Variants in CAMK1 observed in about 807,000 individuals in gnomAD.
The protein encoded by CAMK1 is calcium/calmodulin dependent protein kinase I, also known as calcium/calmodulin-dependent protein kinase type 1.
A neutral mutation model predicts 49.1 loss-of-function variants in CAMK1; 39 were observed. That is an observed-to-expected ratio of 0.79 (90% CI 0.62 to 1.04). The LOEUF is 1.04. CAMK1 is among the 50% of genes least tolerant of loss of function. The probability of loss-of-function intolerance (pLI) is 0.00; values close to 1 mark genes in which losing one functional copy is unlikely to be tolerated. For synonymous variants in CAMK1, 192 were observed against 185.2 expected (o/e 1.04, Z -0.30); for missense variants, 457 against 472.2 (o/e 0.97, Z 0.30).
chr3:9,760,775 A>G lies in CAMK1; in HGVS notation c.633-7T>C, dbSNP rs369091347. The G allele has an allele frequency of 1.3e-5, 21 of 1,613,878 alleles. No individual in the cohort carries two copies. The highest frequency in any genetic ancestry group is 1.6e-4 in the Middle Eastern group (1 of 6,074). ...GGGAGGGTAACCGCAGAGCCTGGGC[A>G]GGGAGAAACTCATCCTCATTTCCAC... On this transcript the variant is annotated splice_polypyrimidine_tract_variant and splice_region_variant and intron_variant, in intron 7 of 11. Transcript: ENST00000256460.
At chr3:9,758,874 A>T (rs1305008655) in intron 10 of CAMK1, 3 of 353,474 alleles carry the variant, frequency 8.5e-6, no homozygotes, top group African/African-American at 2.1e-5. Flanking sequence ...AGGTGATCCA[A>T]CCACCTCGGC....
intron 3 of CAMK1, among the ~76,000 whole-genome samples, chr3:9,763,961 G>A (rs1201665610): frequency 6.6e-6 from 1 of 152,144 alleles, no homozygotes; most frequent in Non-Finnish European, 1.5e-5. Flanking sequence ...ACTCCAGCCT[G>A]GGCAACAAGA....
chr3:9,758,382 C>T (rs982070393), intron 10 of CAMK1: 1 of 155,496 alleles, frequency 6.4e-6, no homozygotes, highest in African/African-American at 2.4e-5. Flanking sequence ...CATGGTACCA[C>T]CACCATCCAT....
Position 9,767,723 on chromosome 3 carries a change from C to G in CAMK1, c.27G>C (p.Arg9Ser). The G allele has an allele frequency of 6.2e-7, 1 of 1,614,178 alleles. No homozygotes were observed. The highest frequency in any genetic ancestry group is 1.7e-5 in the Admixed American group (1 of 60,026). The change falls in exon 2 of 12, where the codon AGG (arginine) becomes AGC (serine). Residue 9 changes from arginine to serine, a missense_variant. Physicochemically the swap from Arg to Ser is moderately radical, Grantham distance 110. Transcript: ENST00000256460. MLGAVEGP[R>S]WKQAEDIRDI... ...CTCTAATGTCCTCCGCCTGCTTCCA[C>G]CTGGGGCCTTCCACTGCCCCCAGCA...
Position 9,757,848 on chromosome 3 carries a change from T to TGGCATTGAA in CAMK1, c.913-11_913-3dup. The stretch of plus-strand genomic sequence containing the variant: ...CACAGCCGTGGCATTGAAGGCTTGC[T>TGGCATTGAA]GGCATTGAAGGCATTGAAGGGAGAG... On this transcript the variant is annotated splice_region_variant and splice_polypyrimidine_tract_variant and intron_variant, in intron 10 of 11. Transcript: ENST00000256460. The surrounding 1 kb of genome is among the most constrained non-coding windows in gnomAD (Gnocchi z 4.5). The TGGCATTGAA allele has an allele frequency of 2.5e-6, 4 of 1,603,232 alleles. No homozygotes were observed. In the South Asian group the frequency reaches 3.3e-5, roughly 13 times the overall value.
chr3:9,767,176 C>T (rs2078178190), intron 2 of CAMK1, among the ~76,000 whole-genome samples: 1 of 152,196 alleles, frequency 6.6e-6, no homozygotes, highest in Non-Finnish European at 1.5e-5. Context: ...GAAGTTTTCC[C>T]CCAGGCAGAA....
Position 9,761,747 on chromosome 3 carries a change from A to G in CAMK1, c.440T>C (p.Leu147Pro). Residue 147 changes from leucine to proline, a missense_variant, in exon 6 of 12, where the codon CTG (leucine) becomes CCG (proline). Leu to Pro is a moderately conservative substitution (Grantham distance 98). Coordinates refer to ENST00000256460, the MANE Select transcript of CAMK1 (RefSeq NM_003656.5). Reference protein sequence around the residue: ...IVHRDLKPENLLYYSLDEDSK... With the variant: ...IVHRDLKPENPLYYSLDEDSK... ...GTCTTCATCCAGGCTGTAGTACAGCAGATTCTCTGGCTTGAAGGGCAGGAG... is the reference window on the plus strand; with the variant it reads ...GTCTTCATCCAGGCTGTAGTACAGCGGATTCTCTGGCTTGAAGGGCAGGAG... 6.2e-7 allele frequency: 1 copy of G among 1,614,124 alleles called. No homozygotes were observed. The highest frequency in any genetic ancestry group is 8.5e-7 in the Non-Finnish European group (1 of 1,180,002).
intron 2 of CAMK1, chr3:9,766,220 G>A (rs2078146687): frequency 1.4e-6 from 1 of 730,756 alleles, no homozygotes; most frequent in Middle Eastern, 2.3e-4. Flanking sequence ...GAGCCTGCTT[G>A]GGAATGAAAT....
chr3:9,762,170 A>C (rs775407381), intron 5 of CAMK1: 10 of 166,198 alleles, frequency 6.0e-5, no homozygotes, highest in Non-Finnish European at 1.2e-4. Context: ...AGGCAGTAGC[A>C]GAGCCAGAAT....
Position 9,759,572 on chromosome 3 carries a change from A to G in CAMK1, c.828T>C (p.Ile276=). ...TCTTATCTAGAGCTGTATCTCCTGCAATCCTAGGATGGGGTTATGTGGTGG... is the reference window on the plus strand; with the variant it reads ...TCTTATCTAGAGCTGTATCTCCTGCGATCCTAGGATGGGGTTATGTGGTGG... ...TCEQALQHPW[I]AGDTALDKNI... Residue 276 remains isoleucine, a synonymous_variant, in exon 10 of 12, where the codon ATT becomes ATC. Transcript: ENST00000256460. The G allele has an allele frequency of 6.2e-7, 1 of 1,614,128 alleles. No homozygotes were observed. Among genetic ancestry groups the G allele is most frequent in the Non-Finnish European group, 8.5e-7 (1 of 1,180,014 alleles).
Position 9,766,625 on chromosome 3 carries a change from G to C in CAMK1, c.84-735C>G, listed in dbSNP as rs546428094. 2.8e-5 allele frequency: 29 copies of C among 1,045,416 alleles called. No individual in the cohort carries two copies. In the South Asian group the frequency reaches 7.7e-4, roughly 28 times the overall value. 64.8% of individuals were successfully genotyped at this position (1,045,416 alleles called of 1,614,324 possible). ...GTGTTTTAGAACAGGTTCTTAAAAA[G>C]GAACAAATAAACTCATTTAACTAAA... On this transcript the variant is annotated intron_variant, in intron 2 of 11. Coordinates refer to ENST00000256460, the MANE Select transcript of CAMK1 (RefSeq NM_003656.5).
At chr3:9,760,489 G>C in intron 8 of CAMK1, 167 bp downstream of exon 8, 1 of 616,700 alleles carries the variant, frequency 1.6e-6, no homozygotes. Context: ...GCAGAAGGAA[G>C]TACCCAAGCA....
chr3:9,761,780 A>G (rs747407167), intron 5 of CAMK1, 23 bp from the exon 6 acceptor site: 1 of 1,613,508 alleles, frequency 6.2e-7, no homozygotes, highest in Non-Finnish European at 8.5e-7. Context: ...GAGGGAAGAG[A>G]AGGGGCAATC....
intron 5 of CAMK1, chr3:9,761,986 T>C: frequency 1.9e-6 from 1 of 526,410 alleles, no homozygotes; most frequent in Non-Finnish European, 3.3e-6. Context: ...AGGTGTGCAC[T>C]GTAAAGCCCT....
chr3:9,758,784 C>G (rs1372770557), intron 10 of CAMK1: 1 of 247,516 alleles, frequency 4.0e-6, no homozygotes, highest in Non-Finnish European at 8.0e-6. Flanking sequence ...CACGCACCAC[C>G]ATGTGTGGCT....
chr3:9,760,820 C>T (rs548202677), intron 7 of CAMK1, 52 bp from the exon 8 acceptor site: 22 of 1,608,938 alleles, frequency 1.4e-5, no homozygotes, highest in East Asian at 1.1e-4. Context: ...CCGTTGGCTC[C>T]GGGGTGGAGC....
chr3:9,768,303 T>A (rs1387887280), intron 1 of CAMK1, among the ~76,000 whole-genome samples: 3 of 152,340 alleles, frequency 2.0e-5, no homozygotes, highest in East Asian at 3.9e-4. Context: ...AATAGCTCTT[T>A]CTGCACTGTT....
rs746266424 is a variant in CAMK1, at chr3:9,767,764, C to T, written c.-15G>A. Reference sequence around the variant, plus strand: ...GCCCCCAGCATGGCCCACTGCCCCCCGACCACAGCCAGGGCTCCTGTAAGG... The same window carrying T: ...GCCCCCAGCATGGCCCACTGCCCCCTGACCACAGCCAGGGCTCCTGTAAGG... On this transcript the variant is annotated 5_prime_UTR_variant, in exon 2 of 12. Transcript: ENST00000256460. The T allele has an allele frequency of 6.2e-6, 10 of 1,613,768 alleles. No individual in the cohort carries two copies. The highest frequency in any genetic ancestry group is 1.3e-5 in the African/African-American group (1 of 75,066).
At chr3:9,760,800 C>A in intron 7 of CAMK1, 32 bp from the exon 8 acceptor site, 2 of 1,613,080 alleles carry the variant, frequency 1.2e-6, no homozygotes, top group Non-Finnish European at 1.7e-6. Flanking sequence ...CTCATTTCCA[C>A]TTTCGGGTGC....
Sources: gnomAD v4.1 joint callset for allele counts (sites outside exome capture counted in the v4.1 genomes callset) on GRCh38, gnomAD v4.1.1 for gene constraint, Gnocchi (gnomAD v3.1) non-coding constraint, MANE v1.5 for transcripts, NCBI Gene and HGNC (gene_info 2026-07-23, HGNC 2026-07-21) for gene names.